The following TRAPPC9 variants were observed in gnomAD, a reference collection of about 807,000 sequenced individuals.
TRAPPC9 encodes the protein trafficking protein particle complex subunit 9, also known as IKK2 binding protein.
Under a neutral mutation model 124.0 loss-of-function variants are expected in TRAPPC9, and 83 were observed. The observed-to-expected ratio is 0.67, with a 90% CI of 0.56 to 0.80. The LOEUF (loss-of-function observed/expected upper bound fraction) is 0.80, where lower values mean the gene tolerates loss of function less well. Among genes scored for constraint, TRAPPC9 ranks in the 30% least tolerant of loss-of-function variants. The pLI, the probability that TRAPPC9 is intolerant of heterozygous loss-of-function variation, is 0.00. For missense variants in TRAPPC9, 1,302 were observed against 1,508.3 expected, an observed-to-expected ratio of 0.86 and a Z score of 2.27; for synonymous variants, 638 against 617.5, an observed-to-expected ratio of 1.03 and a Z score of -0.49.
chr8:139,829,546 C>G (rs1825841951), intron 21 of TRAPPC9, among the ~76,000 whole-genome samples: 3 of 152,238 alleles, frequency 2.0e-5, no homozygotes, highest in Admixed American at 2.0e-4. Context: ...GGAGCAACGT[C>G]TGGATACCCC....
chr8:139,911,150 C>T (rs1831704890), intron 19 of TRAPPC9: 1 of 151,992 alleles, frequency 6.6e-6, no homozygotes, highest in Admixed American at 6.6e-5. Flanking sequence ...ATGGGGGTGG[C>T]TTCCCCCATA....
At chr8:140,091,483 T>G (rs1844563652) in intron 17 of TRAPPC9, among the ~76,000 whole-genome samples, 2 of 152,164 alleles carry the variant, frequency 1.3e-5, no homozygotes, top group Non-Finnish European at 2.9e-5. Flanking sequence ...CCAGCTGAGC[T>G]TGCTTCAAGG....
chr8:140,258,612 C>T (rs868815925), intron 15 of TRAPPC9, among the ~76,000 whole-genome samples: 3 of 152,332 alleles, frequency 2.0e-5, no homozygotes, highest in Middle Eastern at 3.4e-3. Context: ...AAACCATTTA[C>T]AGCACCAAGA....
At chr8:139,904,930 AG>A (rs1831251680) in intron 20 of TRAPPC9, 1 of 152,190 alleles carries the variant, frequency 6.6e-6, no homozygotes, top group African/African-American at 2.4e-5. Flanking sequence ...AGGCAAATAT[AG>A]AAGATTTCTA....
chr8:139,941,051 G>T (rs1206016610), intron 19 of TRAPPC9, among the ~76,000 whole-genome samples: 1 of 152,220 alleles, frequency 6.6e-6, no homozygotes, highest in Non-Finnish European at 1.5e-5. Context: ...CACATGATTG[G>T]TTCTGTGGCA....
intron 10 of TRAPPC9, among the ~76,000 whole-genome samples, chr8:140,307,272 A>T (rs2066163907): frequency 6.6e-6 from 1 of 152,204 alleles, no homozygotes. Context: ...ACTGCAGCGG[A>T]CAGAGCTCAG....
At chr8:140,357,282 C>A (rs1452604951) in intron 9 of TRAPPC9, among the ~76,000 whole-genome samples, 1 of 152,010 alleles carries the variant, frequency 6.6e-6, no homozygotes, top group African/African-American at 2.4e-5. Context: ...ACCGGCCCTG[C>A]TGTGGGAAGG....
intron 21 of TRAPPC9, among the ~76,000 whole-genome samples, chr8:139,748,126 T>A (rs1287187849): frequency 1.7e-4 from 3 of 18,084 alleles, no homozygotes; most frequent in Non-Finnish European, 1.7e-4. Flanking sequence ...ACACAGCAGG[T>A]GTCACAGCAG....
chr8:139,831,793 G>C (rs989785489), intron 21 of TRAPPC9, among the ~76,000 whole-genome samples: 18 of 152,224 alleles, frequency 1.2e-4, no homozygotes, highest in African/African-American at 4.3e-4. Context: ...GAGGGGAATG[G>C]AGGCCCAGGG....
Position 139,984,677 on chromosome 8 carries a change from G to A in TRAPPC9, c.2810+4049C>T, listed in dbSNP as rs1236636833. Among the ~76,000 whole-genome samples the A allele has an allele frequency of 6.6e-6, 1 of 152,184 alleles. No homozygotes were observed. Among genetic ancestry groups the A allele is most frequent in the African/African-American group, 2.4e-5 (1 of 41,430 alleles). ...CACTGCTCTGCACAACCCCTCCACG[G>A]AGGCCGAGTGTGCATCTGACCCACA... On this transcript the variant is annotated intron_variant, in intron 19 of 22. Transcript: ENST00000438773. The surrounding 1 kb of genome is among the most constrained non-coding windows in gnomAD (Gnocchi z 4.3).
In TRAPPC9 at chr8:139,988,176, G is replaced by A. The variant is rs1255844265; in HGVS notation, c.2810+550C>T. On this transcript the variant is annotated intron_variant, in intron 19 of 22. Coordinates refer to ENST00000438773, the MANE Select transcript of TRAPPC9 (RefSeq NM_001160372.4). The stretch of plus-strand genomic sequence containing the variant: ...CAGGCTGGAGTACGGTGGTACGATC[G>A]ATCTCGGCTCACTGCACCCTCTGCT... Among the ~76,000 whole-genome samples the A allele has an allele frequency of 7.6e-5, 11 of 144,512 alleles. 1 individual carries two copies. In the South Asian group the frequency reaches 1.3e-3, roughly 17 times the overall value. The allele number at this position is 144,512 out of a possible 152,430, so 94.8% of individuals were successfully genotyped here.
At chr8:140,145,406 T>G (rs1487294138) in intron 17 of TRAPPC9, among the ~76,000 whole-genome samples, 1 of 152,088 alleles carries the variant, frequency 6.6e-6, no homozygotes, top group South Asian at 2.1e-4. Context: ...CAACATTAAG[T>G]ATGTTTCCTA....
intron 17 of TRAPPC9, among the ~76,000 whole-genome samples, chr8:140,124,254 G>T (rs1451354143): frequency 6.7e-6 from 1 of 150,292 alleles, no homozygotes; most frequent in Non-Finnish European, 1.5e-5. Context: ...GTAGGGTGCA[G>T]GGGGGGCTCT....
intron 15 of TRAPPC9, among the ~76,000 whole-genome samples, chr8:140,266,632 G>C (rs1267035674): frequency 6.6e-6 from 1 of 152,104 alleles, no homozygotes; most frequent in South Asian, 2.1e-4. Context: ...GCCAAGGCGG[G>C]TGGATTACGA....
intron 17 of TRAPPC9, among the ~76,000 whole-genome samples, chr8:140,034,503 C>A (rs943632112): frequency 1.2e-4 from 19 of 152,184 alleles, no homozygotes; most frequent in Non-Finnish European, 2.8e-4. Flanking sequence ...TGACTTACCA[C>A]GCTGCAGCAC....
At chr8:140,031,051 A>G (rs1183634061) in intron 17 of TRAPPC9, among the ~76,000 whole-genome samples, 1 of 152,228 alleles carries the variant, frequency 6.6e-6, no homozygotes, top group East Asian at 1.9e-4. Flanking sequence ...CTGACCATTA[A>G]TAGACATACA....
intron 17 of TRAPPC9, among the ~76,000 whole-genome samples, chr8:140,115,603 TC>T (rs1472907661): frequency 1.4e-5 from 2 of 144,286 alleles, no homozygotes; most frequent in Non-Finnish European, 3.0e-5. Context: ...TATTTTTTTT[TC>T]TCCAAATATT....
At chr8:139,857,035 C>G (rs1207399460) in intron 21 of TRAPPC9, among the ~76,000 whole-genome samples, 1 of 143,824 alleles carries the variant, frequency 7.0e-6, no homozygotes, top group Non-Finnish European at 1.5e-5. Flanking sequence ...TCGGGACGCC[C>G]TGGGAATCTG....
chr8:139,911,615 G>C (rs1026366744), intron 19 of TRAPPC9, among the ~76,000 whole-genome samples: 1 of 151,940 alleles, frequency 6.6e-6, no homozygotes, highest in South Asian at 2.1e-4. Context: ...TGAGTCAGGA[G>C]AATTGCCTGA....
Sources: gnomAD v4.1 joint callset for allele counts (sites outside exome capture counted in the v4.1 genomes callset) on GRCh38, gnomAD v4.1.1 for gene constraint, Gnocchi (gnomAD v3.1) non-coding constraint, MANE v1.5 for transcripts, NCBI Gene and HGNC (gene_info 2026-07-23, HGNC 2026-07-21) for gene names.